LRFN5: variants seen among roughly 807,000 people sequenced by gnomAD.
The protein encoded by LRFN5 is leucine-rich repeat and fibronectin type-III domain-containing protein 5.
LRFN5 carries 24 observed loss-of-function variants against 45.6 expected under a neutral mutation model. The observed-to-expected ratio is 0.53, with a 90% CI of 0.38 to 0.74. The LOEUF (loss-of-function observed/expected upper bound fraction) is 0.74. Among genes scored for constraint, LRFN5 ranks in the 30% least tolerant of loss-of-function variants. The pLI is 0.00. For missense variants in LRFN5, 776 were observed against 861.5 expected (o/e 0.90, Z 1.24); for synonymous variants, 340 against 313.8 (o/e 1.08, Z -0.88).
chr14:41,813,817 A>G (rs975260044), intron 2 of LRFN5, among the ~76,000 whole-genome samples: 11 of 152,176 alleles, frequency 7.2e-5, no homozygotes, highest in Non-Finnish European at 1.0e-4. Context: ...CAACAGTGTA[A>G]AAGCATTCCT....
intron 3 of LRFN5, among the ~76,000 whole-genome samples, 182 bp from the exon 4 acceptor site, chr14:41,891,068 G>A (rs867524365): frequency 6.6e-6 from 1 of 152,130 alleles, no homozygotes; most frequent in Non-Finnish European, 1.5e-5. Context: ...TAGTGCAGAT[G>A]CTGACAAGGA....
At chr14:41,611,796 A>C (rs1473532923) in intron 1 of LRFN5, among the ~76,000 whole-genome samples, 2 of 152,128 alleles carry the variant, frequency 1.3e-5, no homozygotes, top group African/African-American at 4.8e-5. Context: ...AAGTTCATAA[A>C]GGTTTAGTTC....
intron 1 of LRFN5, among the ~76,000 whole-genome samples, chr14:41,621,049 A>AT (rs994376948): frequency 6.6e-6 from 1 of 152,054 alleles, no homozygotes; most frequent in African/African-American, 2.4e-5. Context: ...AAGGAAACTA[A>AT]TTTTGTTTTT....
chr14:41,889,994 G>A (rs772032225), intron 3 of LRFN5, among the ~76,000 whole-genome samples: 5 of 152,082 alleles, frequency 3.3e-5, no homozygotes, highest in Admixed American at 1.3e-4. Context: ...CTGCCCAGTA[G>A]CTGGGACTAC....
intron 2 of LRFN5, among the ~76,000 whole-genome samples, chr14:41,781,617 AG>A (rs1594703489): frequency 8.9e-5 from 7 of 78,540 alleles, no homozygotes; most frequent in African/African-American, 5.0e-4. Flanking sequence ...AGAAAGAAAG[AG>A]AAAGAAAGAA....
Position 41,801,648 on chromosome 14 carries a change from G to A in LRFN5, c.-21+34619G>A, listed in dbSNP as rs554526287. ...TTGAGGAGCTTGAATCTCGCAGCCT[G>A]TGCTCATTATCCCAGATGTTGGGGC... On this transcript the variant is annotated intron_variant, in intron 2 of 5. Coordinates refer to ENST00000298119, the MANE Select transcript of LRFN5 (RefSeq NM_152447.5). 3.0e-4 allele frequency among the ~76,000 whole-genome samples: 45 copies of A among 152,186 alleles called. 1 individual carries two copies. Among genetic ancestry groups the A allele is most frequent in the Non-Finnish European group, 5.1e-4 (35 of 68,040 alleles).
chr14:41,635,387 T>C (rs1879256582), intron 1 of LRFN5, among the ~76,000 whole-genome samples: 1 of 152,170 alleles, frequency 6.6e-6, no homozygotes. Context: ...TGAAACTTTA[T>C]AAACCAAAGA....
chr14:41,849,918 TA>T (rs1282677939), intron 2 of LRFN5, among the ~76,000 whole-genome samples: 1 of 151,938 alleles, frequency 6.6e-6, no homozygotes, highest in African/African-American at 2.4e-5. Flanking sequence ...AACTTGTTTA[TA>T]AAAAATATTT....
At chr14:41,764,323 G>C (rs1003955749) in intron 1 of LRFN5, among the ~76,000 whole-genome samples, 1 of 152,124 alleles carries the variant, frequency 6.6e-6, no homozygotes, top group African/African-American at 2.4e-5. Flanking sequence ...CACTAAAATA[G>C]AAATATGTAT....
intron 1 of LRFN5, among the ~76,000 whole-genome samples, chr14:41,755,006 C>T (rs2138853400): frequency 6.6e-6 from 1 of 152,034 alleles, no homozygotes; most frequent in Admixed American, 6.6e-5. Context: ...TTATTTCTGC[C>T]TTCATTTCGT....
intron 2 of LRFN5, among the ~76,000 whole-genome samples, chr14:41,805,459 C>T (rs940493160): frequency 6.0e-5 from 9 of 150,006 alleles, no homozygotes; most frequent in South Asian, 4.2e-4. Flanking sequence ...TAAATGTGCA[C>T]GTTAGTTACA....
At chr14:41,805,486 A>T (rs1250320803) in intron 2 of LRFN5, among the ~76,000 whole-genome samples, 1 of 151,142 alleles carries the variant, frequency 6.6e-6, no homozygotes, top group East Asian at 1.9e-4. Flanking sequence ...TACATGTGCC[A>T]TGTTGGTGTG....
chr14:41,619,269 AT>A (rs1453058831), intron 1 of LRFN5, among the ~76,000 whole-genome samples: 1 of 152,064 alleles, frequency 6.6e-6, no homozygotes, highest in African/African-American at 2.4e-5. Flanking sequence ...CTTTTAGTAA[AT>A]AATCTCATTT....
At chr14:41,793,561 G>C (rs1289775928) in intron 2 of LRFN5, among the ~76,000 whole-genome samples, 1 of 151,874 alleles carries the variant, frequency 6.6e-6, no homozygotes, top group African/African-American at 2.4e-5. Context: ...CTGCCTCCTG[G>C]TAGGGCAACA....
chr14:41,756,644 A>G (rs1481854980), intron 1 of LRFN5, among the ~76,000 whole-genome samples: 1 of 152,062 alleles, frequency 6.6e-6, no homozygotes, highest in East Asian at 1.9e-4. Context: ...TGGTTATTCT[A>G]GTTAGCCATT....
At chr14:41,801,324 G>A (rs1420400042) in intron 2 of LRFN5, among the ~76,000 whole-genome samples, 1 of 152,078 alleles carries the variant, frequency 6.6e-6, no homozygotes, top group Non-Finnish European at 1.5e-5. Context: ...TCCAACTAAT[G>A]ATAGGGATTC....
At chr14:41,735,155 A>G (rs1884369663) in intron 1 of LRFN5, among the ~76,000 whole-genome samples, 1 of 152,156 alleles carries the variant, frequency 6.6e-6, no homozygotes, top group Non-Finnish European at 1.5e-5. Flanking sequence ...TTATGTCACT[A>G]CATTGCAATG....
chr14:41,640,790 G>A (rs1024794266), intron 1 of LRFN5, among the ~76,000 whole-genome samples: 8 of 151,882 alleles, frequency 5.3e-5, no homozygotes, highest in African/African-American at 1.5e-4. Flanking sequence ...TTTCTTTCTC[G>A]AATTTTATTG....
At chr14:41,801,126 A>C (rs937773697) in intron 2 of LRFN5, among the ~76,000 whole-genome samples, 1 of 152,096 alleles carries the variant, frequency 6.6e-6, no homozygotes, top group African/African-American at 2.4e-5. Context: ...GTAGAAAAAA[A>C]CTGATTTTGA....
Sources: gnomAD v4.1 joint callset for allele counts (sites outside exome capture counted in the v4.1 genomes callset) on GRCh38, gnomAD v4.1.1 for gene constraint, MANE v1.5 for transcripts, NCBI Gene and HGNC (gene_info 2026-07-23, HGNC 2026-07-21) for gene names.